PLEC: variants seen among roughly 807,000 people sequenced by gnomAD.
The protein encoded by PLEC is hemidesmosomal protein 1.
Under a neutral mutation model 392.8 loss-of-function variants are expected in PLEC, and 216 were observed. The observed-to-expected ratio is 0.55, with a 90% CI of 0.49 to 0.62. The LOEUF (loss-of-function observed/expected upper bound fraction) is 0.62, where lower values mean the gene tolerates loss of function less well. Among genes scored for constraint, PLEC ranks in the 20% least tolerant of loss-of-function variants. The pLI is 0.00. For synonymous variants in PLEC, 3,621 were observed against 2,980.6 expected (o/e 1.21, Z -7.00); for missense variants, 6,863 against 6,563.4 (o/e 1.05, Z -1.58).
In PLEC at chr8:143,932,745, G is replaced by A. The variant is rs1554718015; in HGVS notation, c.1738-33C>T. ...AGATGAGACGGTGAGGTCTGCAGTG[G>A]CTGGGCCCGGCCCACCCCCGCACTG... On this transcript the variant is annotated intron_variant, in intron 14 of 31. Coordinates refer to ENST00000345136, the MANE Select transcript of PLEC (RefSeq NM_201384.3). 1.9e-6 allele frequency: 3 copies of A among 1,608,296 alleles called. 1 individual carries two copies. The South Asian group carries it at 3.3e-5, about 18-fold the overall frequency.
Position 143,924,355 on chromosome 8 carries a change from C to T in PLEC, c.5574G>A (p.Glu1858=). The T allele has an allele frequency of 6.3e-7, 1 of 1,597,180 alleles. No individual in the cohort carries two copies. The highest frequency in any genetic ancestry group is 1.1e-5 in the South Asian group (1 of 90,914). The change falls in exon 31 of 32, where the codon GAG becomes GAA. Residue 1858 remains glutamate (E), a synonymous_variant. Transcript: ENST00000345136. The stretch of plus-strand genomic sequence containing the variant: ...GCAGGCGCTCGTTCTCCGCCTCCTT[C>T]TCCTTGAGCGCGATCTCCGCCTCCG... ...LKTEAEIALK[E]KEAENERLRR...
At chr8:143,939,728 C>G (rs1830077013), upstream of PLEC, 1 of 1,121,048 alleles carries the variant, frequency 8.9e-7, no homozygotes, top group Non-Finnish European at 1.2e-6. Flanking sequence ...CCCCCTCCCC[C>G]ACAGACACGC....
chr8:143,960,283 AAAT>A (rs530119507), intron 1 of PLEC, among the ~76,000 whole-genome samples: 18 of 150,858 alleles, frequency 1.2e-4, no homozygotes, highest in African/African-American at 1.2e-4. Flanking sequence ...ACTCCGTCTC[AAAT>A]AATAATAATA....
At position 143,969,231 on chromosome 8, in the gene PLEC, G is replaced by T. The variant is rs569449368; in HGVS notation, c.70+4172C>A. Reference sequence around the variant, plus strand: ...ATGTGAGCAGCCCTGACAGCGTCCCGGCAAGTCGAAGAGGCCAGACCCAGG... The same window carrying T: ...ATGTGAGCAGCCCTGACAGCGTCCCTGCAAGTCGAAGAGGCCAGACCCAGG... On this transcript the variant is annotated intron_variant, in intron 1 of 31. Coordinates refer to the PLEC transcript ENST00000356346. This position sits in a 1 kb window ranked among gnomAD's most constrained non-coding sequence, Gnocchi z 5.1. Among the ~76,000 whole-genome samples, 7 of 152,134 alleles carry T rather than the reference G, an allele frequency of 4.6e-5. No individual in the cohort carries two copies. Among genetic ancestry groups the T allele is most frequent in the Non-Finnish European group, 5.9e-5 (4 of 68,016 alleles).
intron 22 of PLEC, 38 bp from the exon 23 acceptor site, chr8:143,929,867 G>A (rs374084454): frequency 5.6e-5 from 90 of 1,600,414 alleles, no homozygotes; most frequent in East Asian, 2.2e-4. Flanking sequence ...CGGGCGAGGC[G>A]GCCGTGCCCT....
Position 143,917,818 on chromosome 8 carries a change from C to G in PLEC, c.12003G>C (p.Lys4001Asn). The G allele has an allele frequency of 6.2e-7, 1 of 1,613,540 alleles. No homozygotes were observed. Among genetic ancestry groups the G allele is most frequent in the Non-Finnish European group, 8.5e-7 (1 of 1,180,016 alleles). Residue 4001 changes from lysine (K) to asparagine (N), a missense_variant, in exon 32 of 32, where the codon AAG (lysine) becomes AAC (asparagine). Lys to Asn is a moderately conservative substitution (Grantham distance 94). Coordinates refer to ENST00000345136, the MANE Select transcript of PLEC (RefSeq NM_201384.3). Reference protein sequence around the residue: ...VRMGIVGPEFKDKLLSAERAV... With the variant: ...VRMGIVGPEFNDKLLSAERAV... The stretch of plus-strand genomic sequence containing the variant: ...CGCGCTCGGCCGACAGCAGCTTGTC[C>G]TTGAACTCGGGGCCCACAATGCCCA...
rs375573910 is a variant in PLEC, at chr8:143,919,078, G to A, written c.10743C>T (p.Gly3581=). The A allele has an allele frequency of 4.7e-5, 75 of 1,611,100 alleles. No homozygotes were observed. The highest frequency in any genetic ancestry group is 3.7e-4 in the African/African-American group (28 of 74,938). ...CCTCCCACAGGGACATGGTGGAGCC[G>A]CCGTGGCTGCCGCCGCCGGGAATGT... The part of the protein sequence containing the change: ...QIDIPGGGSH[G]GSTMSLWEVM... The change falls in exon 32 of 32, where the codon GGC becomes GGT. Residue 3581 remains glycine (G), a synonymous_variant. Transcript: ENST00000345136.
At chr8:143,943,783 C>G (rs782661187), upstream of PLEC, 24 of 1,611,434 alleles carry the variant, frequency 1.5e-5, no homozygotes, top group Non-Finnish European at 2.0e-5. Flanking sequence ...GCTTACCTTG[C>G]TCGTCCTGCG....
upstream of PLEC, among the ~76,000 whole-genome samples, chr8:143,952,218 ACACG>A (rs1308325805): frequency 1.1e-5 from 1 of 90,292 alleles, no homozygotes; most frequent in Non-Finnish European, 2.7e-5. Context: ...ACGCGCGCAC[ACACG>A]CACGCGCACG....
chr8:143,933,929 T>C lies in PLEC; in HGVS notation c.1263+69A>G, dbSNP rs1828151004. On this transcript the variant is annotated intron_variant, in intron 12 of 31. Coordinates refer to ENST00000345136, the MANE Select transcript of PLEC (RefSeq NM_201384.3). ...CAGGGGGACAGCCCCCTCCTGGCTT[T>C]AGGGCTGCAGGGCGGGGCAGGCTCC... The C allele has an allele frequency of 1.1e-5, 15 of 1,395,632 alleles. No homozygotes were observed. In the East Asian group the frequency reaches 3.4e-4, roughly 32 times the overall value. 86.5% of individuals were successfully genotyped at this position (1,395,632 alleles called of 1,614,324 possible).
chr8:143,973,301 C>G lies in PLEC; in HGVS notation c.70+102G>C, dbSNP rs2132989553. 2 of 1,436,968 alleles carry G rather than the reference C, an allele frequency of 1.4e-6. No homozygotes were observed. Among genetic ancestry groups the G allele is most frequent in the Non-Finnish European group, 1.9e-6 (2 of 1,059,764 alleles). The allele number at this position is 1,436,968 out of a possible 1,614,324, so 89.0% of individuals were successfully genotyped here. On this transcript the variant is annotated intron_variant, in intron 1 of 31. Transcript: ENST00000356346. This position sits in a 1 kb window ranked among gnomAD's most constrained non-coding sequence, Gnocchi z 5.6. The stretch of plus-strand genomic sequence containing the variant: ...AGGCGGACGAGGCCGGCGGAGTGGC[C>G]GCGCTCGGGCCGGCGATCGGGACCG...
Position 143,927,748 on chromosome 8 carries a change from C to T in PLEC, c.3418G>A (p.Glu1140Lys), listed in dbSNP as rs1194533983. Reference sequence around the variant, plus strand: ...GCGTCGAACGTGGGCTGCTGTGCCTCGGCCTGGGCCCGCAGCTTCTGTTGG... The same window carrying T: ...GCGTCGAACGTGGGCTGCTGTGCCTTGGCCTGGGCCCGCAGCTTCTGTTGG... ...ASLKKLRAQAEAQQPTFDALR... is the reference protein window; with the variant it reads ...ASLKKLRAQAKAQQPTFDALR... The change falls in exon 27 of 32, where the codon GAG becomes AAG. Residue 1140 changes from glutamate (E) to lysine (K), a missense_variant. Coordinates refer to ENST00000345136, the MANE Select transcript of PLEC (RefSeq NM_201384.3). 1.4e-5 allele frequency: 22 copies of T among 1,598,752 alleles called. No individual in the cohort carries two copies. Among genetic ancestry groups the T allele is most frequent in the Non-Finnish European group, 1.9e-5 (22 of 1,172,742 alleles).
At chr8:143,963,501 G>A (rs782247476) in intron 1 of PLEC, among the ~76,000 whole-genome samples, 4 of 152,206 alleles carry the variant, frequency 2.6e-5, no homozygotes, top group Non-Finnish European at 4.4e-5. Context: ...GAATGGTGAT[G>A]TCTAGTCTAT....
rs1587009652 is a variant in PLEC, at chr8:143,929,632, C to T, written c.2923+14G>A. 1 of 1,607,594 alleles carries T rather than the reference C, an allele frequency of 6.2e-7. No individual in the cohort carries two copies. Among genetic ancestry groups the T allele is most frequent in the Admixed American group, 1.7e-5 (1 of 60,008 alleles). Reference sequence around the variant, plus strand: ...TCGCACCAGCCCAACCGCCCCAGCCCTGCCGTGCCCTACCCTGTTCCAGGC... The same window carrying T: ...TCGCACCAGCCCAACCGCCCCAGCCTTGCCGTGCCCTACCCTGTTCCAGGC... On this transcript the variant is annotated intron_variant, in intron 23 of 31. Coordinates refer to ENST00000345136, the MANE Select transcript of PLEC (RefSeq NM_201384.3).
chr8:143,973,583 C>G (rs1268036205), upstream of PLEC: 25 of 969,542 alleles, frequency 2.6e-5, no homozygotes, highest in African/African-American at 4.4e-4. This position sits in a 1 kb window ranked among gnomAD's most constrained non-coding sequence, Gnocchi z 5.6. Flanking sequence ...CCGCCCCCGC[C>G]CCGCCCCCGC....
In PLEC at chr8:143,923,624, C is replaced by A; in HGVS notation, c.6305G>T (p.Arg2102Leu). 1.3e-6 allele frequency: 2 copies of A among 1,588,678 alleles called. No homozygotes were observed. Among genetic ancestry groups the A allele is most frequent in the Non-Finnish European group, 8.5e-7 (1 of 1,174,912 alleles). The change falls in exon 31 of 32, where the codon CGT becomes CTT. Residue 2102 changes from arginine to leucine, a missense_variant. Physicochemically the swap from Arg to Leu is moderately radical, Grantham distance 102. Transcript: ENST00000345136. ...EAEEARVQAE[R>L]EAAQSRRQVE... ...CTGCCGCCGGGACTGCGCCGCCTCACGCTCCGCCTGCACCCGGGCCTCCTC... is the reference window on the plus strand; with the variant it reads ...CTGCCGCCGGGACTGCGCCGCCTCAAGCTCCGCCTGCACCCGGGCCTCCTC...
chr8:143,974,591 C>A (rs1014519227), upstream of PLEC, among the ~76,000 whole-genome samples: 25 of 152,240 alleles, frequency 1.6e-4, no homozygotes, highest in Non-Finnish European at 3.5e-4. This position sits in a 1 kb window ranked among gnomAD's most constrained non-coding sequence, Gnocchi z 5.9. Context: ...AGGGGCCTCC[C>A]TGCCCTCCGG....
chr8:143,934,859 G>C lies in PLEC; in HGVS notation c.896C>G (p.Thr299Arg). ...LLLLQWMRHH[T>R]AAFEERRFPS... ...GAACCTGCGTTCCTCAAAGGCGGCCGTGTGGTGTCGCATCCACTGAAGCAG... is the reference window on the plus strand; with the variant it reads ...GAACCTGCGTTCCTCAAAGGCGGCCCTGTGGTGTCGCATCCACTGAAGCAG... Residue 299 changes from threonine (T) to arginine (R), a missense_variant, in exon 9 of 32, where the codon ACG (threonine) becomes AGG (arginine). Transcript: ENST00000345136. The C allele has an allele frequency of 6.2e-7, 1 of 1,611,280 alleles. No individual in the cohort carries two copies. The highest frequency in any genetic ancestry group is 1.3e-5 in the African/African-American group (1 of 75,036).
rs973416404 is a variant in PLEC at position 143,918,294 on chromosome 8, C to G, written c.11527G>C (p.Val3843Leu). 6.3e-7 allele frequency: 1 copy of G among 1,592,058 alleles called. No homozygotes were observed. The highest frequency in any genetic ancestry group is 8.5e-7 in the Non-Finnish European group (1 of 1,176,626). Reference sequence around the variant, plus strand: ...GTGGACGGGTCCACGTAGCTGCGCACCTCGCTGGGCTCTGACAGCTGGTCG... The same window carrying G: ...GTGGACGGGTCCACGTAGCTGCGCAGCTCGCTGGGCTCTGACAGCTGGTCG... ...THDQLSEPSE[V>L]RSYVDPSTDE... Residue 3843 changes from valine to leucine, a missense_variant, in exon 32 of 32, where the codon GTG (valine) becomes CTG (leucine). By Grantham distance (32) the Val-to-Leu change is conservative (BLOSUM62 1). Transcript: ENST00000345136.
Sources: gnomAD v4.1 joint callset for allele counts (sites outside exome capture counted in the v4.1 genomes callset) on GRCh38, gnomAD v4.1.1 for gene constraint, Gnocchi (gnomAD v3.1) non-coding constraint, MANE v1.5 for transcripts, NCBI Gene and HGNC (gene_info 2026-07-23, HGNC 2026-07-21) for gene names.